The following CFAP58 variants were observed in gnomAD, a reference collection of about 807,000 sequenced individuals.
CFAP58 encodes cilia- and flagella-associated protein 58.
CFAP58 carries 88 observed loss-of-function variants against 119.5 expected under a neutral mutation model. That is an observed-to-expected ratio of 0.74 (90% CI 0.62 to 0.88). The LOEUF is 0.88. Among genes scored for constraint, CFAP58 ranks in the 40% least tolerant of loss-of-function variants. The probability of loss-of-function intolerance (pLI) is 0.00; values close to 1 mark genes in which losing one functional copy is unlikely to be tolerated. For synonymous variants in CFAP58, 365 were observed against 366.3 expected (o/e 1.00, Z 0.04); for missense variants, 990 against 1,021.2 (o/e 0.97, Z 0.42).
rs184546849 is a variant in CFAP58, at chr10:104,377,310, G to A, written c.1173+417G>A. On this transcript the variant is annotated intron_variant, in intron 8 of 17. Transcript: ENST00000369704. The stretch of plus-strand genomic sequence containing the variant: ...GCTCTGAGGTGTTAGGTGTAGGAAT[G>A]GCAGGTCTAAGCTTTCCTCCATCTT... Among the ~76,000 whole-genome samples, 11 of 152,308 alleles carry A rather than the reference G, an allele frequency of 7.2e-5. No individual in the cohort carries two copies. In the East Asian group the frequency reaches 1.5e-3, roughly 21 times the overall value.
the CFAP58 span, among the ~76,000 whole-genome samples, chr10:104,344,576 AT>A: frequency 5.3e-5 from 8 of 151,602 alleles, 1 homozygote; most frequent in African/African-American, 1.9e-4. Context: ...GGATACTTCT[AT>A]TTTTTTTCTA....
At chr10:104,437,402 C>A (rs957826522) in intron 15 of CFAP58, among the ~76,000 whole-genome samples, 1 of 152,226 alleles carries the variant, frequency 6.6e-6, no homozygotes, top group African/African-American at 2.4e-5. Flanking sequence ...CTATTCCTTA[C>A]TCAGACATCC....
intron 13 of CFAP58, among the ~76,000 whole-genome samples, chr10:104,402,382 C>T (rs947242859): frequency 6.6e-6 from 1 of 152,198 alleles, no homozygotes; most frequent in Non-Finnish European, 1.5e-5. Context: ...GAACATCATG[C>T]AGTTAATTCT....
rs1404570668 is a variant in CFAP58, at chr10:104,395,998, G to A, written c.1674+2523G>A. On this transcript the variant is annotated intron_variant, in intron 11 of 17. Coordinates refer to ENST00000369704, the MANE Select transcript of CFAP58 (RefSeq NM_001008723.2). ...CTTTTACTTTTTCTGTTGCTACCAG[G>A]CTCCACTGATGCCTGAGGATCCTGT... 3.3e-5 allele frequency among the ~76,000 whole-genome samples: 5 copies of A among 152,072 alleles called. No homozygotes were observed. In the East Asian group the frequency reaches 7.7e-4, roughly 23 times the overall value.
intron 15 of CFAP58, among the ~76,000 whole-genome samples, chr10:104,422,885 C>T (rs1248174420): frequency 6.6e-6 from 1 of 152,192 alleles, no homozygotes; most frequent in Non-Finnish European, 1.5e-5. Flanking sequence ...GGCTCTTGTT[C>T]AACACTGTAC....
At chr10:104,393,966 G>C (rs764520480) in intron 11 of CFAP58, among the ~76,000 whole-genome samples, 1 of 152,154 alleles carries the variant, frequency 6.6e-6, no homozygotes, top group African/African-American at 2.4e-5. Flanking sequence ...TTAGAGCTCT[G>C]TTCTCACTTG....
At chr10:104,383,852 G>A (rs768797964) in intron 9 of CFAP58, among the ~76,000 whole-genome samples, 1 of 151,728 alleles carries the variant, frequency 6.6e-6, no homozygotes, top group African/African-American at 2.4e-5. Context: ...TAATATCAAA[G>A]GCTGGGGAAG....
intron 9 of CFAP58, among the ~76,000 whole-genome samples, chr10:104,381,345 G>A (rs2011798676): frequency 1.3e-5 from 2 of 152,146 alleles, no homozygotes; most frequent in Admixed American, 1.3e-4. Context: ...TGCATTGCCT[G>A]CATTAAGCAT....
rs548326376 is a variant in CFAP58 at position 104,368,317 on chromosome 10, AG to A, written c.793-103del. 502 of 978,644 alleles carry A rather than the reference AG, an allele frequency of 5.1e-4. 1 individual carries two copies. The African/African-American group carries it at 6.9e-3, about 13-fold the overall frequency. 60.6% of individuals were successfully genotyped at this position (978,644 alleles called of 1,614,324 possible). On this transcript the variant is annotated intron_variant, in intron 5 of 17. Coordinates refer to ENST00000369704, the MANE Select transcript of CFAP58 (RefSeq NM_001008723.2). ...ACAATTTCTACAAAGACAAAAACTC[AG>A]GGTTGCTGTTATCTTCCCAGGAGGT...
intron 11 of CFAP58, 43 bp from the exon 12 acceptor site, chr10:104,399,316 CT>C: frequency 6.2e-7 from 1 of 1,605,090 alleles, no homozygotes; most frequent in Non-Finnish European, 8.5e-7. Flanking sequence ...CTGGTTTGTG[CT>C]GTAACGAATT....
At chr10:104,417,376 C>G (rs894628408) in intron 15 of CFAP58, among the ~76,000 whole-genome samples, 1 of 152,192 alleles carries the variant, frequency 6.6e-6, no homozygotes, top group African/African-American at 2.4e-5. Flanking sequence ...GAGATTTGGC[C>G]AGTGCTCAAG....
upstream of CFAP58, among the ~76,000 whole-genome samples, chr10:104,349,860 GAA>G (rs557956293): frequency 2.1e-3 from 325 of 152,320 alleles, 1 homozygote; most frequent in African/African-American, 7.2e-3. Context: ...GCTGAAGAGA[GAA>G]AGAGAGAGAG....
chr10:104,444,619 T>G (rs2013085642), intron 15 of CFAP58, among the ~76,000 whole-genome samples: 1 of 152,208 alleles, frequency 6.6e-6, no homozygotes, highest in Non-Finnish European at 1.5e-5. Flanking sequence ...TACTAGCACA[T>G]TCTCCAAAAA....
intron 4 of CFAP58, among the ~76,000 whole-genome samples, chr10:104,365,329 G>T (rs1446842049): frequency 1.3e-5 from 2 of 152,110 alleles, no homozygotes; most frequent in Admixed American, 1.3e-4. Context: ...GTCTCCAAGA[G>T]AAAAACATGA....
chr10:104,396,457 A>G (rs924308462), intron 11 of CFAP58, among the ~76,000 whole-genome samples: 1 of 132,212 alleles, frequency 7.6e-6, no homozygotes, highest in African/African-American at 2.9e-5. Context: ...AGAGAGAAAG[A>G]AAGAGAAAGA....
intron 3 of CFAP58, among the ~76,000 whole-genome samples, chr10:104,364,497 A>G (rs956581366): frequency 3.3e-5 from 5 of 151,472 alleles, no homozygotes; most frequent in African/African-American, 1.2e-4. Flanking sequence ...TAGACATTGT[A>G]TTTTCTTAAA....
At chr10:104,448,801 C>T (rs750700059) in intron 16 of CFAP58, among the ~76,000 whole-genome samples, 2 of 152,154 alleles carry the variant, frequency 1.3e-5, no homozygotes, top group African/African-American at 4.8e-5. Context: ...TTGCATAGGA[C>T]GTAATCTTTT....
intron 7 of CFAP58, among the ~76,000 whole-genome samples, chr10:104,374,871 G>A (rs957270805): frequency 1.3e-5 from 2 of 149,694 alleles, no homozygotes; most frequent in Admixed American, 6.6e-5. Flanking sequence ...AGAAAAAGAA[G>A]CAACTTAAAT....
At chr10:104,377,878 A>G (rs1043385104) in intron 8 of CFAP58, among the ~76,000 whole-genome samples, 1 of 152,202 alleles carries the variant, frequency 6.6e-6, no homozygotes, top group Non-Finnish European at 1.5e-5. Flanking sequence ...TTCTTCTTGG[A>G]CAATCTTGGA....
Sources: gnomAD v4.1 joint callset for allele counts (sites outside exome capture counted in the v4.1 genomes callset) on GRCh38, gnomAD v4.1.1 for gene constraint, MANE v1.5 for transcripts, NCBI Gene and HGNC (gene_info 2026-07-23, HGNC 2026-07-21) for gene names.